The following CCDC7 variants were observed in gnomAD, a reference collection of about 807,000 sequenced individuals.
CCDC7 encodes the protein coiled-coil domain containing 7.
CCDC7 carries 183 observed loss-of-function variants against 196.9 expected under a neutral mutation model. The observed-to-expected ratio is 0.93, with a 90% CI of 0.82 to 1.05. The LOEUF is 1.05. Among genes scored for constraint, CCDC7 ranks in the 50% least tolerant of loss-of-function variants. The pLI is 0.00. For synonymous variants in CCDC7, 525 were observed against 484.6 expected (o/e 1.08, Z -1.10); for missense variants, 1,540 against 1,482.2 (o/e 1.04, Z -0.64).
chr10:32,700,467 A>T (rs564851705), intron 24 of CCDC7, among the ~76,000 whole-genome samples: 1 of 151,774 alleles, frequency 6.6e-6, no homozygotes, highest in African/African-American at 2.4e-5. Context: ...GCCTTGTAGT[A>T]TAGTTTGAAG....
At chr10:32,875,799 A>AAAC (rs2094580496) in intron 41 of CCDC7, among the ~76,000 whole-genome samples, 1 of 152,038 alleles carries the variant, frequency 6.6e-6, no homozygotes, top group Non-Finnish European at 1.5e-5. Context: ...TATTTCCTCC[A>AAAC]TGATACTAAG....
chr10:32,646,471 C>G (rs1476282980), intron 20 of CCDC7, among the ~76,000 whole-genome samples: 2 of 151,990 alleles, frequency 1.3e-5, no homozygotes, highest in African/African-American at 4.8e-5. Flanking sequence ...CTTCCATGTG[C>G]TATGGTGAAG....
chr10:32,574,479 A>C (rs538084523), intron 16 of CCDC7: 1 of 1,582,362 alleles, frequency 6.3e-7, no homozygotes, highest in East Asian at 2.3e-5. Context: ...AAACCTTCAG[A>C]GAGTGGATGG....
chr10:32,623,630 T>G (rs1236476623), intron 18 of CCDC7: 7 of 453,948 alleles, frequency 1.5e-5, no homozygotes, highest in Non-Finnish European at 3.1e-5. Flanking sequence ...CAGATACTGC[T>G]TTAGTCCATC....
At chr10:32,556,971 G>A (rs561233627) in intron 13 of CCDC7, among the ~76,000 whole-genome samples, 1 of 152,306 alleles carries the variant, frequency 6.6e-6, no homozygotes, top group East Asian at 1.9e-4. Context: ...TTCCTCAGCA[G>A]CTCATTGGTC....
At chr10:32,684,671 A>G (rs1416753895) in intron 21 of CCDC7, among the ~76,000 whole-genome samples, 3 of 152,240 alleles carry the variant, frequency 2.0e-5, no homozygotes, top group African/African-American at 7.2e-5. Context: ...CTGTGAAAGC[A>G]GTTCACACTA....
At chr10:32,733,670 A>T (rs1225449575) in intron 28 of CCDC7, among the ~76,000 whole-genome samples, 2 of 152,050 alleles carry the variant, frequency 1.3e-5, no homozygotes, top group Non-Finnish European at 2.9e-5. Context: ...TTTTCTGTTT[A>T]TTCTATATTA....
intron 28 of CCDC7, among the ~76,000 whole-genome samples, chr10:32,737,223 T>C (rs371689630): frequency 3.9e-4 from 60 of 152,222 alleles, no homozygotes; most frequent in African/African-American, 1.3e-3. Flanking sequence ...GGTTGTGGCA[T>C]ATAATTCTTT....
chr10:32,733,058 T>C (rs2084256230), intron 28 of CCDC7, among the ~76,000 whole-genome samples: 1 of 152,124 alleles, frequency 6.6e-6, no homozygotes, highest in African/African-American at 2.4e-5. Context: ...ATGTTTTCTG[T>C]ATTTCTTGCC....
At chr10:32,758,371 A>G (rs1347941884) in intron 28 of CCDC7, among the ~76,000 whole-genome samples, 2 of 152,190 alleles carry the variant, frequency 1.3e-5, no homozygotes, top group African/African-American at 2.4e-5. Flanking sequence ...GGCAATCCGA[A>G]TCCAGCAGCA....
intron 29 of CCDC7, among the ~76,000 whole-genome samples, chr10:32,796,483 C>T (rs187274897): frequency 2.8e-4 from 42 of 152,254 alleles, no homozygotes; most frequent in Middle Eastern, 3.4e-3. Context: ...TTCTATCTCC[C>T]AAATATAGTA....
intron 28 of CCDC7, among the ~76,000 whole-genome samples, chr10:32,740,086 A>G (rs2133114979): frequency 6.6e-6 from 1 of 152,218 alleles, no homozygotes; most frequent in Admixed American, 6.5e-5. Context: ...TTTTCTCCCC[A>G]ACATCCCAGG....
At chr10:32,611,813 G>T (rs2062173551) in intron 18 of CCDC7, among the ~76,000 whole-genome samples, 1 of 152,140 alleles carries the variant, frequency 6.6e-6, no homozygotes, top group Non-Finnish European at 1.5e-5. Flanking sequence ...TGCTGTTTTG[G>T]CTACTGTAGC....
chr10:32,634,862 G>T (rs543626885), intron 19 of CCDC7, among the ~76,000 whole-genome samples, 195 bp from the exon 21 acceptor site: 1 of 152,170 alleles, frequency 6.6e-6, no homozygotes, highest in Non-Finnish European at 1.5e-5. Context: ...TATTTGCATA[G>T]TCAGTGACTA....
chr10:32,786,686 A>AG (rs1212045220), intron 29 of CCDC7, among the ~76,000 whole-genome samples: 1 of 152,054 alleles, frequency 6.6e-6, no homozygotes, highest in Non-Finnish European at 1.5e-5. Flanking sequence ...GTTTCAACCC[A>AG]GGGGGCAGAG....
At chr10:32,759,791 A>G (rs943002598) in intron 28 of CCDC7, among the ~76,000 whole-genome samples, 40 of 152,226 alleles carry the variant, frequency 2.6e-4, no homozygotes, top group Non-Finnish European at 5.6e-4. Flanking sequence ...AGAAACTACC[A>G]TCAGAGTGAA....
chr10:32,458,829 A>G (rs916669359), intron 3 of CCDC7, among the ~76,000 whole-genome samples: 3 of 152,072 alleles, frequency 2.0e-5, no homozygotes, highest in African/African-American at 7.2e-5. Flanking sequence ...TGACCATACT[A>G]CTCAAAGCTA....
intron 8 of CCDC7, among the ~76,000 whole-genome samples, chr10:32,474,877 A>G (rs951818367): frequency 1.3e-5 from 2 of 152,184 alleles, no homozygotes; most frequent in Non-Finnish European, 2.9e-5. Context: ...GTAGAAAATA[A>G]TATTTGCTTG....
At chr10:32,727,935 C>T (rs1419291120) in intron 26 of CCDC7, among the ~76,000 whole-genome samples, 1 of 152,126 alleles carries the variant, frequency 6.6e-6, no homozygotes, top group Non-Finnish European at 1.5e-5. Flanking sequence ...CAAAGGACAA[C>T]CAGCGTTGTG....
Sources: allele counts gnomAD v4.1 joint callset (sites outside exome capture counted in the v4.1 genomes callset), GRCh38; gene constraint gnomAD v4.1.1; transcripts MANE v1.5; gene names NCBI Gene and HGNC (gene_info 2026-07-23, HGNC 2026-07-21).